The following NHLRC2 variants were observed in gnomAD, a reference collection of about 807,000 sequenced individuals.
The protein encoded by NHLRC2 is NHL repeat containing 2.
NHLRC2 carries 33 observed loss-of-function variants against 68.1 expected under a neutral mutation model. The ratio of observed to expected loss-of-function variants is 0.48; its 90% CI spans 0.37 to 0.65. The LOEUF is 0.65. Among genes scored for constraint, NHLRC2 ranks in the 30% least tolerant of loss-of-function variants. NHLRC2 has a pLI of 0.00. For missense variants in NHLRC2, 761 were observed against 853.8 expected (o/e 0.89, Z 1.35); for synonymous variants, 311 against 309.6 (o/e 1.00, Z -0.05).
At chr10:113,888,942 T>A (rs540600672) in intron 5 of NHLRC2, among the ~76,000 whole-genome samples, 72 of 151,330 alleles carry the variant, frequency 4.8e-4, no homozygotes, top group African/African-American at 1.7e-3. Flanking sequence ...TTCTCCTGCC[T>A]CAGCCTCCCA....
chr10:113,908,682 G>A lies in NHLRC2; in HGVS notation c.*146G>A, dbSNP rs540064224. The A allele has an allele frequency of 1.4e-4, 100 of 696,434 alleles. No individual in the cohort carries two copies. The South Asian group carries it at 1.6e-3, about 11-fold the overall frequency. 43.1% of individuals were successfully genotyped at this position (696,434 alleles called of 1,614,324 possible). On this transcript the variant is annotated 3_prime_UTR_variant, in exon 11 of 11. Coordinates refer to ENST00000369301, the MANE Select transcript of NHLRC2 (RefSeq NM_198514.4). ...TTCAGACAACTGATATTAAAATAAA[G>A]CTATGCTCCTTACTTACTTCTTTTA...
intron 8 of NHLRC2, 63 bp from the exon 9 acceptor site, chr10:113,903,464 C>G: frequency 1.0e-6 from 1 of 990,770 alleles, no homozygotes; most frequent in South Asian, 1.4e-5. Flanking sequence ...ATACCATACT[C>G]TTCCATACAA....
In NHLRC2 at chr10:113,914,804, G is replaced by C. The variant is rs1385146928; in HGVS notation, c.*6268G>C. The stretch of plus-strand genomic sequence containing the variant: ...TCACTATTTTGTCCTGAATAATTAA[G>C]AGTTTGCTTTTTTCCCATGTCTTTG... On this transcript the variant is annotated 3_prime_UTR_variant, in exon 11 of 11. Coordinates refer to ENST00000369301, the MANE Select transcript of NHLRC2 (RefSeq NM_198514.4). 1.2e-5 allele frequency: 4 copies of C among 343,758 alleles called. No individual in the cohort carries two copies. 21.3% of individuals were successfully genotyped at this position (343,758 alleles called of 1,614,324 possible).
intron 3 of NHLRC2, among the ~76,000 whole-genome samples, chr10:113,877,543 T>A (rs1845995819): frequency 1.3e-5 from 2 of 152,180 alleles, no homozygotes; most frequent in African/African-American, 2.4e-5. Context: ...CATGCAAGCG[T>A]AGATCATTTT....
At chr10:113,899,158 T>G (rs73347509) in intron 6 of NHLRC2, among the ~76,000 whole-genome samples, 4,789 of 152,246 alleles carry the variant, frequency 0.031, 266 homozygotes, top group African/African-American at 0.11. Context: ...TTGATTGTTT[T>G]TATTTTTAGC....
chr10:113,860,418 C>T (rs1198838846), intron 2 of NHLRC2, among the ~76,000 whole-genome samples: 1 of 151,924 alleles, frequency 6.6e-6, no homozygotes, highest in East Asian at 1.9e-4. Flanking sequence ...TTTTTATATA[C>T]AAATATGCTT....
Position 113,910,707 on chromosome 10 carries a change from A to G in NHLRC2, c.*2171A>G, listed in dbSNP as rs998300017. ...ATAATATACAAACACAGTGTTTGTT[A>G]TACATGTTCATGTACAGTGAAAATG... On this transcript the variant is annotated 3_prime_UTR_variant, in exon 11 of 11. Transcript: ENST00000369301. The G allele has an allele frequency of 1.3e-5, 2 of 152,330 alleles. No homozygotes were observed. Among genetic ancestry groups the G allele is most frequent in the East Asian group, 1.9e-4 (1 of 5,192 alleles). 9.4% of individuals were successfully genotyped at this position (152,330 alleles called of 1,614,324 possible).
At position 113,908,751 on chromosome 10, in the gene NHLRC2, T is replaced by A. The variant is rs139912591; in HGVS notation, c.*215T>A. The A allele has an allele frequency of 7.2e-4, 404 of 561,070 alleles. 2 individuals carry two copies. Among genetic ancestry groups the A allele is most frequent in the African/African-American group, 7.1e-3 (377 of 53,308 alleles). The allele number at this position is 561,070 out of a possible 1,614,324, so 34.8% of individuals were successfully genotyped here. On this transcript the variant is annotated 3_prime_UTR_variant, in exon 11 of 11. Coordinates refer to ENST00000369301, the MANE Select transcript of NHLRC2 (RefSeq NM_198514.4). ...GCTTTGGCTGATACTAGCTGAGTCA[T>A]TGATCATCATTGGTACCATGATATT...
chr10:113,876,963 A>T lies in NHLRC2; in HGVS notation c.774A>T (p.Gln258His). 1 of 1,587,936 alleles carries T rather than the reference A, an allele frequency of 6.3e-7. No homozygotes were observed. The highest frequency in any genetic ancestry group is 8.6e-7 in the Non-Finnish European group (1 of 1,168,814). Residue 258 changes from glutamine (Q) to histidine (H), a missense_variant, in exon 3 of 11, where the codon CAA becomes CAT. Coordinates refer to ENST00000369301, the MANE Select transcript of NHLRC2 (RefSeq NM_198514.4). ...TCGTTTGGAAGAATGGACAAATTCA[A>T]TATAGCATTGGAGGTAAAACTTGCT... ...ILVVWKNGQI[Q>H]YSIGGPNPGR...
At chr10:113,903,477 A>AAC in intron 8 of NHLRC2, 50 bp from the exon 9 acceptor site, 1 of 1,154,216 alleles carries the variant, frequency 8.7e-7, no homozygotes, top group Non-Finnish European at 1.3e-6. Flanking sequence ...CCATACAACA[A>AAC]ACATGAGATT....
chr10:113,906,470 A>G (rs901196151), intron 10 of NHLRC2, among the ~76,000 whole-genome samples: 1 of 151,980 alleles, frequency 6.6e-6, no homozygotes, highest in African/African-American at 2.4e-5. Context: ...TTATTTAGAA[A>G]CACTTATTTT....
chr10:113,895,548 A>G (rs1456625881), intron 5 of NHLRC2, among the ~76,000 whole-genome samples: 1 of 152,156 alleles, frequency 6.6e-6, no homozygotes. Flanking sequence ...TAAGCTTTCT[A>G]GGATGAGAAA....
In NHLRC2 at chr10:113,908,752, T is replaced by TATG. The variant is rs1846297483; in HGVS notation, c.*216_*217insATG. 9 of 561,034 alleles carry TATG rather than the reference T, an allele frequency of 1.6e-5. No homozygotes were observed. Among genetic ancestry groups the TATG allele is most frequent in the Non-Finnish European group, 2.5e-5 (8 of 315,460 alleles). 34.8% of individuals were successfully genotyped at this position (561,034 alleles called of 1,614,324 possible). The stretch of plus-strand genomic sequence containing the variant: ...CTTTGGCTGATACTAGCTGAGTCAT[T>TATG]GATCATCATTGGTACCATGATATTG... On this transcript the variant is annotated 3_prime_UTR_variant, in exon 11 of 11. Transcript: ENST00000369301.
intron 2 of NHLRC2, among the ~76,000 whole-genome samples, chr10:113,868,509 A>G (rs1192614710): frequency 6.6e-6 from 1 of 152,224 alleles, no homozygotes; most frequent in Admixed American, 6.5e-5. Flanking sequence ...ATCAATATAG[A>G]TCTCCTATTT....
intron 4 of NHLRC2, among the ~76,000 whole-genome samples, chr10:113,882,762 C>T (rs1026169768): frequency 6.6e-6 from 1 of 151,700 alleles, no homozygotes; most frequent in African/African-American, 2.4e-5. Context: ...GAATCCATTG[C>T]TAAATCCAAG....
intron 4 of NHLRC2, among the ~76,000 whole-genome samples, chr10:113,880,287 C>T (rs867020419): frequency 1.3e-5 from 2 of 151,674 alleles, no homozygotes; most frequent in African/African-American, 4.8e-5. Context: ...TATTAAAAAG[C>T]CTTTTTGTAG....
chr10:113,895,559 G>GGA (rs924612587), intron 5 of NHLRC2, among the ~76,000 whole-genome samples: 11 of 152,222 alleles, frequency 7.2e-5, no homozygotes, highest in African/African-American at 2.6e-4. Flanking sequence ...GGATGAGAAA[G>GGA]GAGGGAGCAC....
intron 2 of NHLRC2, among the ~76,000 whole-genome samples, chr10:113,860,039 T>C (rs1340934989): frequency 1.3e-5 from 2 of 152,186 alleles, no homozygotes; most frequent in Admixed American, 1.3e-4. Context: ...TAAGAGTTCA[T>C]GGTAAAAGTA....
chr10:113,912,706 C>T lies in NHLRC2; in HGVS notation c.*4170C>T, dbSNP rs949701902. ...TTGAGCTTCAAATAACCTTATAAAT[C>T]GGGCAGGTAGATGTTAGTTTACAGA... On this transcript the variant is annotated 3_prime_UTR_variant, in exon 11 of 11. Transcript: ENST00000369301. The T allele has an allele frequency of 2.0e-5, 3 of 152,152 alleles. No homozygotes were observed. The highest frequency in any genetic ancestry group is 7.2e-5 in the African/African-American group (3 of 41,426). The allele number at this position is 152,152 out of a possible 1,614,324, so 9.4% of individuals were successfully genotyped here. A position where few individuals can be genotyped will look rare whatever the true frequency, so the allele number is the denominator to read the frequency against.
Sources: allele counts gnomAD v4.1 joint callset (sites outside exome capture counted in the v4.1 genomes callset), GRCh38; gene constraint gnomAD v4.1.1; transcripts MANE v1.5; gene names NCBI Gene and HGNC (gene_info 2026-07-23, HGNC 2026-07-21).